ARFGEF2: variants seen among roughly 807,000 people sequenced by gnomAD.
ARFGEF2 encodes brefeldin A-inhibited guanine nucleotide-exchange protein 2.
A neutral mutation model predicts 219.9 loss-of-function variants in ARFGEF2; 74 were observed. The observed-to-expected ratio is 0.34, with a 90% CI of 0.28 to 0.41. ARFGEF2 has a LOEUF of 0.41. ARFGEF2 is among the 10% of genes least tolerant of loss of function. The pLI, the probability that ARFGEF2 is intolerant of heterozygous loss-of-function variation, is 1.00. For synonymous variants in ARFGEF2, 733 were observed against 799.2 expected (o/e 0.92, Z 1.40); for missense variants, 1,743 against 2,218.3 (o/e 0.79, Z 4.30).
rs2091640079 is a variant in ARFGEF2 at position 49,032,158 on chromosome 20, G to A, written c.5173G>A (p.Asp1725Asn). ...LLLTKTLKIN[D>N]EKFKAHASMY... ...TCTAACTAAAACCCTCAAAATAAAT[G>A]ATGAAAAGGTATGAACAAGTAAACT... is the stretch of plus-strand genomic sequence containing the variant. The change falls in exon 38 of 39, where the codon GAT (aspartate) becomes AAT (asparagine). Residue 1725 changes from aspartate (D) to asparagine (N), a missense_variant. By Grantham distance (23) the Asp-to-Asn change is conservative. Coordinates refer to ENST00000371917, the MANE Select transcript of ARFGEF2 (RefSeq NM_006420.3). The A allele has an allele frequency of 6.2e-7, 1 of 1,611,720 alleles. No homozygotes were observed. Among genetic ancestry groups the A allele is most frequent in the Non-Finnish European group, 8.5e-7 (1 of 1,178,104 alleles).
At chr20:48,966,261 A>G (rs1355008656) in intron 8 of ARFGEF2, among the ~76,000 whole-genome samples, 2 of 152,170 alleles carry the variant, frequency 1.3e-5, no homozygotes, top group Admixed American at 6.5e-5. Flanking sequence ...TAATACTTAA[A>G]TTTCTTGCCA....
chr20:49,036,011 A>G lies in ARFGEF2; in HGVS notation c.*2812A>G, dbSNP rs187190646. The G allele has an allele frequency of 5.2e-6, 2 of 387,910 alleles. No individual in the cohort carries two copies. Among genetic ancestry groups the G allele is most frequent in the African/African-American group, 4.2e-5 (2 of 48,016 alleles). The allele number at this position is 387,910 out of a possible 1,614,324, so 24.0% of individuals were successfully genotyped here. ...ACGAAATGAAAAAAAAAAAACCTGT[A>G]TTTTTTTTGTTGTTCTTTTGTGATT... On this transcript the variant is annotated 3_prime_UTR_variant, in exon 39 of 39. Coordinates refer to ENST00000371917, the MANE Select transcript of ARFGEF2 (RefSeq NM_006420.3).
At chr20:48,956,605 G>A (rs2091107214) in intron 6 of ARFGEF2, among the ~76,000 whole-genome samples, 1 of 151,908 alleles carries the variant, frequency 6.6e-6, no homozygotes, top group Non-Finnish European at 1.5e-5. Context: ...AATGAGTCTC[G>A]CCATCTTGCC....
At chr20:48,956,245 C>CA (rs1401856476) in intron 6 of ARFGEF2, among the ~76,000 whole-genome samples, 1 of 152,228 alleles carries the variant, frequency 6.6e-6, no homozygotes, top group Non-Finnish European at 1.5e-5. Context: ...ACTGGACACT[C>CA]ACTGTACTGC....
At chr20:48,943,911 G>C (rs1054845339) in intron 3 of ARFGEF2, among the ~76,000 whole-genome samples, 2 of 151,960 alleles carry the variant, frequency 1.3e-5, no homozygotes, top group African/African-American at 4.8e-5. Flanking sequence ...GAGGTGTACA[G>C]CTTTCTCGAG....
intron 25 of ARFGEF2, among the ~76,000 whole-genome samples, chr20:49,004,463 A>C (rs2091444295): frequency 6.6e-6 from 1 of 152,086 alleles, no homozygotes; most frequent in African/African-American, 2.4e-5. Context: ...AATTAGAAAA[A>C]TTGGGTATAG....
In ARFGEF2 at chr20:48,986,709, A is replaced by AT. The variant is rs558845131; in HGVS notation, c.2276+1104dup. Reference sequence around the variant, plus strand: ...ATGTGGAAATTGTTCAGTGGAAACTATTTTTTTTGAGACAGGGTCTTGCTC... The same window carrying AT: ...ATGTGGAAATTGTTCAGTGGAAACTATTTTTTTTTGAGACAGGGTCTTGCTC... On this transcript the variant is annotated intron_variant, in intron 16 of 38. Transcript: ENST00000371917. Among the ~76,000 whole-genome samples the AT allele has an allele frequency of 6.2e-4, 94 of 151,846 alleles. 1 individual carries two copies. The highest frequency in any genetic ancestry group is 2.2e-3 in the African/African-American group (92 of 41,436).
At chr20:48,971,636 T>C (rs1406750118) in intron 10 of ARFGEF2, among the ~76,000 whole-genome samples, 3 of 151,858 alleles carry the variant, frequency 2.0e-5, no homozygotes, top group Non-Finnish European at 4.4e-5. Context: ...GCGCCATGGC[T>C]CACGCCTGTA....
intron 1 of ARFGEF2, among the ~76,000 whole-genome samples, chr20:48,927,674 CGA>C (rs2090886668): frequency 6.7e-6 from 1 of 149,310 alleles, no homozygotes. Context: ...GGCAACAGAG[CGA>C]GACTCTGTCT....
chr20:48,977,430 T>C (rs940003657), intron 14 of ARFGEF2, among the ~76,000 whole-genome samples: 2 of 152,224 alleles, frequency 1.3e-5, no homozygotes, highest in African/African-American at 4.8e-5. Flanking sequence ...AGTGCCGCAA[T>C]AAACATACGT....
chr20:48,924,321 A>G (rs1272725004), intron 1 of ARFGEF2, among the ~76,000 whole-genome samples: 1 of 152,014 alleles, frequency 6.6e-6, no homozygotes, highest in African/African-American at 2.4e-5. Flanking sequence ...CATCCTGGCT[A>G]ACACGGTGAA....
rs2091234230 is a variant in ARFGEF2, at chr20:48,972,414, G to A, written c.1514G>A (p.Arg505Lys). The A allele has an allele frequency of 6.2e-7, 1 of 1,613,398 alleles. No homozygotes were observed. Among genetic ancestry groups the A allele is most frequent in the Non-Finnish European group, 8.5e-7 (1 of 1,179,456 alleles). Residue 505 changes from arginine to lysine, a missense_variant, in exon 11 of 39, where the codon AGG becomes AAG. By Grantham distance (26) the Arg-to-Lys change is conservative. Coordinates refer to ENST00000371917, the MANE Select transcript of ARFGEF2 (RefSeq NM_006420.3). ...HRWMVIQTLT[R>K]ICADAQCVVD... ...TGGATGGTCATTCAGACTCTGACGA[G>A]GATCTGTGCAGGTATTTCCACCTGG...
rs1324046979 is a variant in ARFGEF2, at chr20:49,035,997, A to AAC, written c.*2799_*2800insCA. 1 of 395,400 alleles carries AAC rather than the reference A, an allele frequency of 2.5e-6. No homozygotes were observed. The highest frequency in any genetic ancestry group is 2.1e-5 in the African/African-American group (1 of 48,392). 24.5% of individuals were successfully genotyped at this position (395,400 alleles called of 1,614,324 possible). ...CAGGTGACTTTTGTACGAAATGAAA[A>AAC]AAAAAAAACCTGTATTTTTTTTGTT... On this transcript the variant is annotated 3_prime_UTR_variant, in exon 39 of 39. Transcript: ENST00000371917.
intron 26 of ARFGEF2, among the ~76,000 whole-genome samples, chr20:49,005,844 G>A (rs570058102): frequency 1.3e-5 from 2 of 151,994 alleles, no homozygotes; most frequent in East Asian, 1.9e-4. Context: ...CCTCAAACCA[G>A]GATAAGAATT....
At chr20:48,962,451 G>A (rs942744143) in intron 6 of ARFGEF2, among the ~76,000 whole-genome samples, 2 of 150,928 alleles carry the variant, frequency 1.3e-5, no homozygotes, top group African/African-American at 2.5e-5. Context: ...TTGACCAAAC[G>A]TTGTTATGTG....
chr20:48,981,815 A>G (rs1480518619), intron 14 of ARFGEF2, among the ~76,000 whole-genome samples: 1 of 152,104 alleles, frequency 6.6e-6, no homozygotes, highest in Non-Finnish European at 1.5e-5. Context: ...TTCTCATGCC[A>G]TGGTTTTCAG....
At chr20:49,022,351 T>A (rs1365167770) in intron 34 of ARFGEF2, among the ~76,000 whole-genome samples, 2 of 151,592 alleles carry the variant, frequency 1.3e-5, no homozygotes, top group African/African-American at 4.9e-5. Context: ...CGCTTGATAT[T>A]GTGGCACAGG....
chr20:48,998,273 A>C lies in ARFGEF2; in HGVS notation c.3262+40A>C, dbSNP rs1484327275. The stretch of plus-strand genomic sequence containing the variant: ...TACCTGTGAAAACTGCAGAAGCCTC[A>C]CGCTGTGACCGTCTGACTGTTCCTA... On this transcript the variant is annotated intron_variant, in intron 24 of 38. Coordinates refer to ENST00000371917, the MANE Select transcript of ARFGEF2 (RefSeq NM_006420.3). 4.3e-6 allele frequency: 7 copies of C among 1,614,048 alleles called. No homozygotes were observed. In the African/African-American group the frequency reaches 8.0e-5, roughly 18 times the overall value.
chr20:48,973,654 T>C (rs572032590), intron 12 of ARFGEF2, among the ~76,000 whole-genome samples: 3 of 152,238 alleles, frequency 2.0e-5, no homozygotes, highest in Admixed American at 1.3e-4. Flanking sequence ...CAGTCTGCAA[T>C]AGGGGCAAAG....
Sources: allele counts gnomAD v4.1 joint callset (sites outside exome capture counted in the v4.1 genomes callset), GRCh38; gene constraint gnomAD v4.1.1; transcripts MANE v1.5; gene names NCBI Gene and HGNC (gene_info 2026-07-23, HGNC 2026-07-21).